Variants in AK8 observed in about 807,000 individuals in gnomAD.
AK8 encodes adenylate kinase 8, also known as ATP-AMP transphosphorylase 8.
Under a neutral mutation model 54.6 loss-of-function variants are expected in AK8, and 44 were observed. The observed-to-expected ratio is 0.81, with a 90% CI of 0.63 to 1.04. AK8 has a LOEUF of 1.04. AK8 is among the 50% of genes least tolerant of loss of function. The pLI, the probability that AK8 is intolerant of heterozygous loss-of-function variation, is 0.00. For missense variants in AK8, 555 were observed against 613.6 expected, an observed-to-expected ratio of 0.90 and a Z score of 1.01; for synonymous variants, 239 against 245.6, an observed-to-expected ratio of 0.97 and a Z score of 0.25.
At chr9:132,875,761 T>TC (rs1408274218) in intron 1 of AK8, among the ~76,000 whole-genome samples, 6 of 152,238 alleles carry the variant, frequency 3.9e-5, no homozygotes, top group Non-Finnish European at 7.3e-5. Flanking sequence ...GGCCATGGGT[T>TC]CTGTGGGCCT....
chr9:132,848,115 CAAAAAAAAA>C (rs796764891), intron 5 of AK8, among the ~76,000 whole-genome samples: 1,711 of 52,516 alleles, frequency 0.033, 21 homozygotes, highest in Middle Eastern at 0.066. Context: ...CACCCTGTTT[CAAAAAAAAA>C]AAAAAAAAAA....
At position 132,859,514 on chromosome 9, in the gene AK8, AT is replaced by A. The variant is rs35877642; in HGVS notation, c.333+4150del. On this transcript the variant is annotated intron_variant, in intron 4 of 12. Coordinates refer to ENST00000298545, the MANE Select transcript of AK8 (RefSeq NM_152572.3). The stretch of plus-strand genomic sequence containing the variant: ...GGTGTAAGCCACTGCACCCAGCCAG[AT>A]TTTTTTTTTTAAACAGTAGAAATTG... Among the ~76,000 whole-genome samples, 182 of 148,628 alleles carry A rather than the reference AT, an allele frequency of 1.2e-3. 1 individual carries two copies. The highest frequency in any genetic ancestry group is 0.01 in the Middle Eastern group (3 of 288).
intron 10 of AK8, among the ~76,000 whole-genome samples, chr9:132,807,147 G>C (rs1348692473): frequency 6.6e-6 from 1 of 152,116 alleles, no homozygotes; most frequent in Non-Finnish European, 1.5e-5. Flanking sequence ...AAGGAATGTG[G>C]GCCTTCCTAC....
intron 4 of AK8, among the ~76,000 whole-genome samples, chr9:132,857,556 T>C (rs1330788843): frequency 1.3e-5 from 2 of 152,120 alleles, no homozygotes; most frequent in Non-Finnish European, 2.9e-5. Flanking sequence ...CCTTTCATCC[T>C]TTCCCAGCCC....
chr9:132,752,030 T>A (rs1226154199), intron 11 of AK8, among the ~76,000 whole-genome samples: 1 of 151,558 alleles, frequency 6.6e-6, no homozygotes, highest in Non-Finnish European at 1.5e-5. Flanking sequence ...TTAGTAGAGA[T>A]GGGGTTTCAT....
intron 1 of AK8, among the ~76,000 whole-genome samples, chr9:132,876,209 C>T (rs1449819865): frequency 1.3e-5 from 2 of 152,174 alleles, no homozygotes; most frequent in African/African-American, 4.8e-5. Flanking sequence ...AGCTTCTCTG[C>T]CTGTTCAGTA....
chr9:132,828,312 C>A (rs1209905632), intron 6 of AK8, among the ~76,000 whole-genome samples: 1 of 152,218 alleles, frequency 6.6e-6, no homozygotes, highest in African/African-American at 2.4e-5. Context: ...GAAAGTTCTG[C>A]CTGTTAACAA....
At chr9:132,804,838 T>G (rs544539164) in intron 10 of AK8, among the ~76,000 whole-genome samples, 2 of 152,100 alleles carry the variant, frequency 1.3e-5, no homozygotes, top group African/African-American at 2.4e-5. Flanking sequence ...TGATCATAAG[T>G]GTAGAGGCTG....
intron 11 of AK8, among the ~76,000 whole-genome samples, chr9:132,762,003 G>T (rs745596706): frequency 1.3e-5 from 2 of 152,114 alleles, no homozygotes; most frequent in Non-Finnish European, 2.9e-5. Flanking sequence ...CCGAGTAGCT[G>T]AGACTACAGC....
At chr9:132,805,758 T>C (rs1340198199) in intron 10 of AK8, among the ~76,000 whole-genome samples, 2 of 152,070 alleles carry the variant, frequency 1.3e-5, no homozygotes, top group African/African-American at 2.4e-5. Context: ...GCTTTTACCC[T>C]GCCACTCTGC....
At chr9:132,856,015 A>G (rs1248430888) in intron 4 of AK8, among the ~76,000 whole-genome samples, 1 of 152,032 alleles carries the variant, frequency 6.6e-6, no homozygotes, top group Non-Finnish European at 1.5e-5. Context: ...AGCCTGGGAG[A>G]GGTGAAGCTG....
intron 11 of AK8, among the ~76,000 whole-genome samples, chr9:132,733,428 C>T (rs1054919502): frequency 1.3e-5 from 2 of 152,210 alleles, no homozygotes; most frequent in Non-Finnish European, 2.9e-5. Flanking sequence ...GTTTGGAAAT[C>T]CCTGATAATT....
rs938698521 is a variant in AK8, at chr9:132,859,107, A to C, written c.334-4182T>G. 4.6e-5 allele frequency among the ~76,000 whole-genome samples: 7 copies of C among 152,338 alleles called. No individual in the cohort carries two copies. The East Asian group carries it at 1.4e-3, about 29-fold the overall frequency. Reference sequence around the variant, plus strand: ...TCAGCCTCAAGAAATGGGAGCAGCAAGGCCAGCTGGAGATGGAGTGGCCAG... The same window carrying C: ...TCAGCCTCAAGAAATGGGAGCAGCACGGCCAGCTGGAGATGGAGTGGCCAG... On this transcript the variant is annotated intron_variant, in intron 4 of 12. Transcript: ENST00000298545.
intron 11 of AK8, among the ~76,000 whole-genome samples, chr9:132,746,508 A>G (rs1765293211): frequency 6.6e-6 from 1 of 152,246 alleles, no homozygotes; most frequent in Non-Finnish European, 1.5e-5. Context: ...CCGTGGCCTT[A>G]GCATCGAGGC....
chr9:132,824,243 C>T (rs914636107), intron 8 of AK8, among the ~76,000 whole-genome samples: 15 of 152,222 alleles, frequency 9.9e-5, no homozygotes, highest in African/African-American at 2.4e-4. Context: ...AGATGAGGCA[C>T]GGACCTGTGC....
chr9:132,757,103 G>T (rs1356280435), intron 11 of AK8, among the ~76,000 whole-genome samples: 1 of 151,862 alleles, frequency 6.6e-6, no homozygotes, highest in Non-Finnish European at 1.5e-5. Flanking sequence ...CGCAGCAGTT[G>T]CCGTGGGCAC....
chr9:132,750,577 G>A (rs1404326734), intron 11 of AK8, among the ~76,000 whole-genome samples: 2 of 151,866 alleles, frequency 1.3e-5, no homozygotes, highest in African/African-American at 2.4e-5. Flanking sequence ...GGAAAACCAC[G>A]CTTTCTTCTC....
intron 7 of AK8, chr9:132,827,266 G>C: frequency 1.6e-6 from 1 of 615,876 alleles, no homozygotes. Flanking sequence ...TACAAGAACA[G>C]GACCCAGGGC....
chr9:132,743,235 G>A (rs762153953), intron 11 of AK8, among the ~76,000 whole-genome samples: 4 of 152,242 alleles, frequency 2.6e-5, no homozygotes, highest in African/African-American at 7.2e-5. Context: ...GCCTCTGCTC[G>A]CGACCTGACC....
Sources: gnomAD v4.1 joint callset for allele counts (sites outside exome capture counted in the v4.1 genomes callset) on GRCh38, gnomAD v4.1.1 for gene constraint, MANE v1.5 for transcripts, NCBI Gene and HGNC (gene_info 2026-07-23, HGNC 2026-07-21) for gene names.